The following BRD7 variants were observed in gnomAD, a reference collection of about 807,000 sequenced individuals.
BRD7 encodes bromodomain-containing protein 7.
Under a neutral mutation model 82.1 loss-of-function variants are expected in BRD7, and 15 were observed. The ratio of observed to expected loss-of-function variants is 0.18; its 90% CI spans 0.12 to 0.28. The LOEUF (loss-of-function observed/expected upper bound fraction) is 0.28, where lower values mean the gene tolerates loss of function less well. BRD7 is among the 10% of genes least tolerant of loss of function. BRD7 has a pLI of 1.00. For synonymous variants in BRD7, 232 were observed against 266.9 expected (o/e 0.87, Z 1.27); for missense variants, 638 against 779.9 (o/e 0.82, Z 2.17).
At chr16:50,365,381 C>T (rs1428265877) in intron 2 of BRD7, among the ~76,000 whole-genome samples, 1 of 152,176 alleles carries the variant, frequency 6.6e-6, no homozygotes, top group African/African-American at 2.4e-5. Flanking sequence ...CCCTGTTAGT[C>T]ACTCTACAAT....
At chr16:50,349,497 T>TC (rs1465426049) in intron 5 of BRD7, 6 of 467,420 alleles carry the variant, frequency 1.3e-5, no homozygotes, top group Non-Finnish European at 4.4e-6. Flanking sequence ...CGTGCTTGCT[T>TC]CCCCTTCATG....
chr16:50,367,976 C>A lies in BRD7; in HGVS notation c.258+114G>T, dbSNP rs1597109709. On this transcript the variant is annotated intron_variant, in intron 2 of 16. Transcript: ENST00000394688. Reference sequence around the variant, plus strand: ...CTATTCTGTCCTGCTCCTCCTCAAACGAGCCAGATCTTAGAGGCGTTTGTT... The same window carrying A: ...CTATTCTGTCCTGCTCCTCCTCAAAAGAGCCAGATCTTAGAGGCGTTTGTT... 4 of 1,085,688 alleles carry A rather than the reference C, an allele frequency of 3.7e-6. No homozygotes were observed. In the East Asian group the frequency reaches 7.1e-5, roughly 19 times the overall value. The allele number at this position is 1,085,688 out of a possible 1,614,324, so 67.3% of individuals were successfully genotyped here.
At chr16:50,337,257 T>C (rs1232295307) in intron 6 of BRD7, among the ~76,000 whole-genome samples, 2 of 9,212 alleles carry the variant, frequency 2.2e-4, no homozygotes, top group African/African-American at 3.9e-4. Flanking sequence ...TTCATTCTTC[T>C]TTTTTTTTTT....
intron 5 of BRD7, among the ~76,000 whole-genome samples, chr16:50,342,190 CA>C (rs949541279): frequency 7.2e-5 from 11 of 151,874 alleles, no homozygotes; most frequent in Non-Finnish European, 1.5e-4. Flanking sequence ...AAACAAAAAA[CA>C]AAAAACTGTG....
chr16:50,320,532 C>A (rs2037053610), intron 14 of BRD7, 131 bp downstream of exon 14: 1 of 1,402,158 alleles, frequency 7.1e-7, no homozygotes, highest in Admixed American at 1.7e-5. Flanking sequence ...ACACGCCATA[C>A]CCATTCATTT....
At chr16:50,354,616 G>A in intron 3 of BRD7, 134 bp from the exon 4 acceptor site, 1 of 1,200,536 alleles carries the variant, frequency 8.3e-7, no homozygotes, top group South Asian at 1.5e-5. Context: ...ATATATTGAA[G>A]TTTGAGAGTA....
chr16:50,336,029 T>G (rs1055187543), intron 6 of BRD7, among the ~76,000 whole-genome samples: 1 of 152,242 alleles, frequency 6.6e-6, no homozygotes, highest in Non-Finnish European at 1.5e-5. Flanking sequence ...ATTCCAGTAC[T>G]TTTCCAACCA....
chr16:50,346,897 C>G (rs2038306708), intron 5 of BRD7, among the ~76,000 whole-genome samples: 1 of 152,210 alleles, frequency 6.6e-6, no homozygotes, highest in Admixed American at 6.5e-5. Flanking sequence ...GGAATCCTCC[C>G]TAACTCATTT....
chr16:50,344,871 A>C (rs570428932), intron 5 of BRD7, among the ~76,000 whole-genome samples: 1 of 152,344 alleles, frequency 6.6e-6, no homozygotes, highest in South Asian at 2.1e-4. Flanking sequence ...GAACTTCCCC[A>C]ACCTAGCAAG....
chr16:50,354,679 A>G (rs1244400608), intron 3 of BRD7, 114 bp downstream of exon 3: 1 of 1,413,502 alleles, frequency 7.1e-7, no homozygotes, highest in South Asian at 1.4e-5. Context: ...GAGAGAAAAA[A>G]CTTAAAAATT....
At chr16:50,334,259 C>T (rs1025614140) in intron 7 of BRD7, among the ~76,000 whole-genome samples, 15 of 152,296 alleles carry the variant, frequency 9.8e-5, no homozygotes, top group Middle Eastern at 3.4e-3. Context: ...AGTGGTTCAG[C>T]GTTGCTCCCA....
At position 50,341,407 on chromosome 16, in the gene BRD7, G is replaced by A. The variant is rs139438026; in HGVS notation, c.592-1321C>T. Among the ~76,000 whole-genome samples, 1,348 of 150,468 alleles carry A rather than the reference G, an allele frequency of 9.0e-3. 17 individuals carry two copies. The highest frequency in any genetic ancestry group is 0.031 in the African/African-American group (1,277 of 40,552). ...TATAATTCTAGCACTTTGGGAGGCC[G>A]AGGCAGGTGGACTGCTTGAGCCCAG... On this transcript the variant is annotated intron_variant, in intron 5 of 16. Transcript: ENST00000394688.
chr16:50,319,752 G>T, intron 16 of BRD7, 135 bp downstream of exon 16: 1 of 1,095,156 alleles, frequency 9.1e-7, no homozygotes, highest in Non-Finnish European at 1.3e-6. Context: ...TTAGGGACTT[G>T]AGCATCTACA....
At chr16:50,329,113 T>C (rs2037455550) in intron 8 of BRD7, among the ~76,000 whole-genome samples, 1 of 152,208 alleles carries the variant, frequency 6.6e-6, no homozygotes, top group Admixed American at 6.5e-5. Flanking sequence ...ACCATATTCA[T>C]ATATGCAGCA....
chr16:50,335,985 T>C (rs1483884772), intron 6 of BRD7, among the ~76,000 whole-genome samples: 4 of 152,204 alleles, frequency 2.6e-5, no homozygotes, highest in African/African-American at 9.7e-5. Context: ...TCCTAATGTC[T>C]CATCCAGAGA....
Position 50,317,548 on chromosome 16 carries a change from A to ATAAC in BRD7, c.*1659_*1662dup, listed in dbSNP as rs2036860755. On this transcript the variant is annotated 3_prime_UTR_variant, in exon 17 of 17. Coordinates refer to ENST00000394688, the MANE Select transcript of BRD7 (RefSeq NM_013263.5). ...GAAACCCCAGTTGGGAGTTTAACAA[A>ATAAC]TAACTGACTACCACTCACTCATGCA... The ATAAC allele has an allele frequency of 6.6e-6, 1 of 152,376 alleles. No homozygotes were observed. The highest frequency in any genetic ancestry group is 1.5e-5 in the Non-Finnish European group (1 of 68,050). The allele number at this position is 152,376 out of a possible 1,614,324, so 9.4% of individuals were successfully genotyped here.
chr16:50,333,115 T>G (rs1197284874), intron 8 of BRD7, among the ~76,000 whole-genome samples: 2 of 152,234 alleles, frequency 1.3e-5, no homozygotes, highest in Non-Finnish European at 2.9e-5. Flanking sequence ...AAATGGTGTA[T>G]GTACCCCTTG....
Position 50,368,801 on chromosome 16 carries a change from C to G in BRD7, c.-27G>C. On this transcript the variant is annotated 5_prime_UTR_variant, in exon 1 of 17. Transcript: ENST00000394688. ...TCCGACCGGGCCCCGGTGCCCGCCC[C>G]CCGCGCCAGGCCCAGGCCGTGCGGC... 1.3e-6 allele frequency: 2 copies of G among 1,515,390 alleles called. No homozygotes were observed. The highest frequency in any genetic ancestry group is 1.8e-6 in the Non-Finnish European group (2 of 1,130,056). The allele number at this position is 1,515,390 out of a possible 1,614,324, so 93.9% of individuals were successfully genotyped here. A position where few individuals can be genotyped will look rare whatever the true frequency, so the allele number is the denominator to read the frequency against.
chr16:50,333,314 G>A (rs1242253152), intron 8 of BRD7, among the ~76,000 whole-genome samples: 3 of 152,138 alleles, frequency 2.0e-5, no homozygotes, highest in African/African-American at 7.2e-5. Context: ...AACACAGATG[G>A]TCCTCAACTT....
Sources: gnomAD v4.1 joint callset for allele counts (sites outside exome capture counted in the v4.1 genomes callset) on GRCh38, gnomAD v4.1.1 for gene constraint, MANE v1.5 for transcripts, NCBI Gene and HGNC (gene_info 2026-07-23, HGNC 2026-07-21) for gene names.